Variants in DNM3 observed in about 807,000 individuals in gnomAD.
DNM3 encodes the protein dynamin-3.
Under a neutral mutation model 101.6 loss-of-function variants are expected in DNM3, and 47 were observed. That is an observed-to-expected ratio of 0.46 (90% CI 0.37 to 0.59). The LOEUF (loss-of-function observed/expected upper bound fraction) is 0.59. DNM3 is among the 20% of genes least tolerant of loss of function. The pLI is 0.00. For missense variants in DNM3, 849 were observed against 1,085.7 expected, an observed-to-expected ratio of 0.78 and a Z score of 3.06; for synonymous variants, 385 against 387.9, an observed-to-expected ratio of 0.99 and a Z score of 0.09.
chr1:172,019,465 G>A (rs2047681522), intron 4 of DNM3, among the ~76,000 whole-genome samples: 1 of 148,764 alleles, frequency 6.7e-6, no homozygotes, highest in South Asian at 2.1e-4. Context: ...TATAGCTTTT[G>A]GGGGGCATTT....
At chr1:171,944,949 G>A (rs1048017082) in intron 2 of DNM3, among the ~76,000 whole-genome samples, 1 of 125,456 alleles carries the variant, frequency 8.0e-6, no homozygotes, top group Non-Finnish European at 1.6e-5. Context: ...CTGAAGCCTT[G>A]ACCTTCTGGG....
intron 15 of DNM3, among the ~76,000 whole-genome samples, chr1:172,275,328 G>C (rs534534454): frequency 6.6e-6 from 1 of 151,998 alleles, no homozygotes; most frequent in African/African-American, 2.4e-5. Flanking sequence ...GAACATGCAG[G>C]CTCAATATTT....
chr1:171,981,352 G>T (rs2044776708), intron 2 of DNM3, among the ~76,000 whole-genome samples: 1 of 152,148 alleles, frequency 6.6e-6, no homozygotes, highest in South Asian at 2.1e-4. Context: ...GAATAAAGAT[G>T]GACAAGAGAT....
intron 15 of DNM3, among the ~76,000 whole-genome samples, chr1:172,256,311 C>G (rs2062395585): frequency 6.6e-6 from 1 of 151,966 alleles, no homozygotes; most frequent in Non-Finnish European, 1.5e-5. Context: ...GTGGAAGTAA[C>G]CTGTAAAATC....
At chr1:172,145,402 C>G (rs2057835870) in intron 14 of DNM3, among the ~76,000 whole-genome samples, 1 of 150,346 alleles carries the variant, frequency 6.7e-6, no homozygotes, top group Non-Finnish European at 1.5e-5. Context: ...CCCTCCCGCT[C>G]TCTCTCTCTT....
At chr1:172,292,624 C>CACAT (rs1553224094) in intron 15 of DNM3, among the ~76,000 whole-genome samples, 10,024 of 135,400 alleles carry the variant, frequency 0.074, 365 homozygotes, top group South Asian at 0.1. Context: ...CACACACACA[C>CACAT]GCGCGTGCGT....
chr1:172,083,649 A>T (rs186029051), intron 12 of DNM3, among the ~76,000 whole-genome samples: 1 of 152,212 alleles, frequency 6.6e-6, no homozygotes, highest in African/African-American at 2.4e-5. Context: ...ATTTAAACAT[A>T]TTATATAACC....
chr1:172,117,282 T>TA (rs138684374), intron 13 of DNM3, among the ~76,000 whole-genome samples: 320 of 152,126 alleles, frequency 2.1e-3, no homozygotes, highest in African/African-American at 7.5e-3. Context: ...CATTTTTTTT[T>TA]AAAATGTGCA....
At chr1:172,108,151 G>A (rs1410345676) in intron 13 of DNM3, among the ~76,000 whole-genome samples, 2 of 151,868 alleles carry the variant, frequency 1.3e-5, no homozygotes, top group Admixed American at 6.6e-5. Flanking sequence ...AATCCTATTC[G>A]AGAACAATCT....
chr1:172,380,061 G>C (rs1005742808), intron 18 of DNM3, among the ~76,000 whole-genome samples: 6 of 151,938 alleles, frequency 3.9e-5, no homozygotes, highest in African/African-American at 1.4e-4. Context: ...ATTAAAATTA[G>C]ATGGCAAAGT....
At position 172,025,991 on chromosome 1, in the gene DNM3, G is replaced by A. The variant is rs190200015; in HGVS notation, c.590-6411G>A. ...TGACAGAAATAGGCTTCACAAGGTG[G>A]GTAATAACAAACTCCTCTGAGCTAA... is the stretch of plus-strand genomic sequence containing the variant. On this transcript the variant is annotated intron_variant, in intron 4 of 20. Coordinates refer to ENST00000627582, the MANE Select transcript of DNM3 (RefSeq NM_015569.5). Among the ~76,000 whole-genome samples the A allele has an allele frequency of 4.0e-3, 606 of 152,094 alleles. 2 individuals are homozygous for A. Among genetic ancestry groups the A allele is most frequent in the African/African-American group, 0.014 (566 of 41,488 alleles).
chr1:172,158,510 A>C (rs2058427812), intron 14 of DNM3, among the ~76,000 whole-genome samples: 1 of 151,950 alleles, frequency 6.6e-6, no homozygotes. Context: ...CAGAACAGAC[A>C]GTGTGCAGTG....
chr1:172,385,533 G>C (rs2069134587), intron 18 of DNM3, among the ~76,000 whole-genome samples: 1 of 152,028 alleles, frequency 6.6e-6, no homozygotes. Context: ...AATCACTCTT[G>C]GTTTACAAAA....
intron 11 of DNM3, among the ~76,000 whole-genome samples, chr1:172,079,759 T>C (rs1347121916): frequency 6.6e-6 from 1 of 152,206 alleles, no homozygotes; most frequent in Non-Finnish European, 1.5e-5. Flanking sequence ...CTTTGTGGAT[T>C]TATCTACCTT....
At chr1:172,157,653 A>G (rs1401992437) in intron 14 of DNM3, among the ~76,000 whole-genome samples, 1 of 152,038 alleles carries the variant, frequency 6.6e-6, no homozygotes, top group East Asian at 1.9e-4. Context: ...TCTTCTTGTC[A>G]TTATTCCCTA....
intron 14 of DNM3, among the ~76,000 whole-genome samples, chr1:172,167,095 G>C (rs769453702): frequency 1.3e-5 from 2 of 151,960 alleles, no homozygotes. Context: ...TCAGGCCCTG[G>C]TGTGTGATGT....
intron 2 of DNM3, among the ~76,000 whole-genome samples, chr1:171,965,441 T>C (rs1340625168): frequency 6.6e-6 from 1 of 151,002 alleles, no homozygotes; most frequent in Non-Finnish European, 1.5e-5. Context: ...TAGTCCCAGC[T>C]ACTTGAAAGG....
In DNM3 at chr1:172,205,061, A is replaced by T. The variant is rs554677901; in HGVS notation, c.1660-48512A>T. ...ACATTGTTCTGTGAAACTCTGTTCT[A>T]GTTGTATTTTTCTGTATAAACGTGC... On this transcript the variant is annotated intron_variant, in intron 14 of 20. Coordinates refer to ENST00000627582, the MANE Select transcript of DNM3 (RefSeq NM_015569.5). Among the ~76,000 whole-genome samples the T allele has an allele frequency of 1.2e-4, 18 of 152,248 alleles. 2 individuals are homozygous for T. The South Asian group carries it at 2.9e-3, about 25-fold the overall frequency.
intron 17 of DNM3, among the ~76,000 whole-genome samples, chr1:172,325,419 T>C (rs1243778024): frequency 1.3e-5 from 2 of 152,172 alleles, no homozygotes; most frequent in Non-Finnish European, 2.9e-5. Flanking sequence ...CTAGTATTTA[T>C]TGCCCCATGC....
Sources: allele counts gnomAD v4.1 joint callset (sites outside exome capture counted in the v4.1 genomes callset), GRCh38; gene constraint gnomAD v4.1.1; transcripts MANE v1.5; gene names NCBI Gene and HGNC (gene_info 2026-07-23, HGNC 2026-07-21).